ASH1L: variants seen among roughly 807,000 people sequenced by gnomAD.
ASH1L encodes the protein histone-lysine N-methyltransferase ASH1L.
ASH1L carries 23 observed loss-of-function variants against 269.0 expected under a neutral mutation model. That is an observed-to-expected ratio of 0.09 (90% CI 0.06 to 0.12). The LOEUF (loss-of-function observed/expected upper bound fraction) is 0.12. Ranked by LOEUF, ASH1L falls within the 10% of genes least tolerant of loss-of-function variation. The probability of loss-of-function intolerance (pLI) is 1.00; values close to 1 mark genes in which losing one functional copy is unlikely to be tolerated. For synonymous variants in ASH1L, 1,187 were observed against 1,253.5 expected, an observed-to-expected ratio of 0.95 and a Z score of 1.12; for missense variants, 2,912 against 3,567.8, an observed-to-expected ratio of 0.82 and a Z score of 4.68.
At chr1:155,391,693 G>A (rs1002159333) in intron 7 of ASH1L, among the ~76,000 whole-genome samples, 2 of 152,120 alleles carry the variant, frequency 1.3e-5, no homozygotes, top group Admixed American at 6.6e-5. Context: ...AGTGGCTCAT[G>A]CCTGTAATCC....
intron 6 of ASH1L, among the ~76,000 whole-genome samples, chr1:155,404,420 T>C (rs1659099182): frequency 6.6e-6 from 1 of 151,932 alleles, no homozygotes; most frequent in Non-Finnish European, 1.5e-5. Context: ...ACCCCTGTAA[T>C]CCCAACACTT....
chr1:155,474,789 C>T (rs1449654511), intron 3 of ASH1L, among the ~76,000 whole-genome samples: 1 of 152,206 alleles, frequency 6.6e-6, no homozygotes, highest in Non-Finnish European at 1.5e-5. Context: ...CTCCAATCTC[C>T]CATATGTTCA....
intron 6 of ASH1L, among the ~76,000 whole-genome samples, chr1:155,401,605 G>A (rs1311638697): frequency 6.6e-6 from 1 of 151,588 alleles, no homozygotes; most frequent in African/African-American, 2.4e-5. Context: ...TGGCGAACAT[G>A]GTGATATCTT....
chr1:155,345,216 C>T (rs1371216706), intron 21 of ASH1L, among the ~76,000 whole-genome samples: 3 of 140,944 alleles, frequency 2.1e-5, no homozygotes, highest in South Asian at 2.3e-4. Flanking sequence ...AGTCTCACTC[C>T]GTCACCCGGG....
intron 6 of ASH1L, among the ~76,000 whole-genome samples, chr1:155,404,056 CAAAA>C (rs1265354613): frequency 2.9e-5 from 2 of 69,666 alleles, no homozygotes; most frequent in Non-Finnish European, 3.0e-5. Context: ...AACTCCGTCT[CAAAA>C]AAAAAAAAAA....
chr1:155,451,792 G>A (rs543013812), intron 4 of ASH1L, among the ~76,000 whole-genome samples: 2 of 152,222 alleles, frequency 1.3e-5, no homozygotes, highest in East Asian at 3.9e-4. Flanking sequence ...TGTGATCTCA[G>A]CTCACGGCAG....
In ASH1L at chr1:155,433,579, G is replaced by A. The variant is rs184363090; in HGVS notation, c.5828+4748C>T. ...AGAAGGAGAAGCTGGAGCAAAACCC[G>A]CAGGAGTCCCAGAACATCAAAGCTC... On this transcript the variant is annotated intron_variant, in intron 5 of 27. Transcript: ENST00000392403. 6.6e-4 allele frequency: 1,068 copies of A among 1,610,720 alleles called. 3 individuals carry two copies. The highest frequency in any genetic ancestry group is 2.8e-3 in the South Asian group (256 of 90,540).
At chr1:155,484,445 G>A (rs1257181192) in intron 2 of ASH1L, among the ~76,000 whole-genome samples, 2 of 151,520 alleles carry the variant, frequency 1.3e-5, no homozygotes, top group African/African-American at 2.4e-5. Flanking sequence ...CCGAGATTGC[G>A]CCACTGCACT....
At chr1:155,428,874 C>G (rs1316805363) in intron 5 of ASH1L, among the ~76,000 whole-genome samples, 1 of 152,106 alleles carries the variant, frequency 6.6e-6, no homozygotes, top group African/African-American at 2.4e-5. Flanking sequence ...GCGGGTAAAT[C>G]TCTGTTCGGG....
Position 155,422,643 on chromosome 1 carries a change from TTTTC to T in ASH1L, c.5829-6724_5829-6721del, listed in dbSNP as rs562499439. Among the ~76,000 whole-genome samples the T allele has an allele frequency of 4.3e-3, 654 of 150,842 alleles. 2 individuals are homozygous for T. Among genetic ancestry groups the T allele is most frequent in the Middle Eastern group, 0.01 (3 of 294 alleles). Reference sequence around the variant, plus strand: ...TTCTCCTTTTACCTTGATTTTTTCTTTTTCTTTCTGTTTTTTTTTTTTTGAGACT... The same window carrying T: ...TTCTCCTTTTACCTTGATTTTTTCTTTTTCTGTTTTTTTTTTTTTGAGACT... On this transcript the variant is annotated intron_variant, in intron 5 of 27. Coordinates refer to ENST00000392403, the MANE Select transcript of ASH1L (RefSeq NM_018489.3).
intron 19 of ASH1L, among the ~76,000 whole-genome samples, chr1:155,348,698 A>G (rs1178202956): frequency 6.6e-6 from 1 of 152,104 alleles, no homozygotes; most frequent in East Asian, 1.9e-4. Flanking sequence ...CCTGGCCAAC[A>G]TGGTGAAACC....
chr1:155,563,027 T>C, upstream of ASH1L: 1 of 458,608 alleles, frequency 2.2e-6, no homozygotes, highest in South Asian at 1.5e-5. Flanking sequence ...GCTTGCCGTT[T>C]GACTGGAATT....
At chr1:155,355,911 TTC>T (rs1297903174) in intron 15 of ASH1L, among the ~76,000 whole-genome samples, 2 of 151,476 alleles carry the variant, frequency 1.3e-5, no homozygotes, top group African/African-American at 4.9e-5. Flanking sequence ...AAAGCAGGTA[TTC>T]TGTTTTTTTT....
In ASH1L at chr1:155,343,650, C is replaced by G; in HGVS notation, c.8074G>C (p.Asp2692His). Residue 2692 changes from aspartate to histidine, a missense_variant, in exon 23 of 28, where the codon GAT becomes CAT. Physicochemically the swap from Asp to His is moderately conservative, Grantham distance 81. Coordinates refer to ENST00000392403, the MANE Select transcript of ASH1L (RefSeq NM_018489.3). This position sits in a 1 kb window ranked among gnomAD's most constrained non-coding sequence, Gnocchi z 6.1. ...SYRLLSHINR[D>H]KLDIFRIEKL... ...TCAATGCGAAAGATGTCAAGTTTAT[C>G]TCGGTTAATGTGAGATAACAGTCGA... 6.2e-7 allele frequency: 1 copy of G among 1,614,188 alleles called. No individual in the cohort carries two copies. Among genetic ancestry groups the G allele is most frequent in the Non-Finnish European group, 8.5e-7 (1 of 1,180,030 alleles).
At chr1:155,524,329 A>C (rs182054720) in intron 1 of ASH1L, among the ~76,000 whole-genome samples, 2 of 151,424 alleles carry the variant, frequency 1.3e-5, no homozygotes, top group African/African-American at 4.8e-5. Flanking sequence ...AGACCATCCT[A>C]GCTAACTCGG....
intron 3 of ASH1L, among the ~76,000 whole-genome samples, chr1:155,470,931 A>G (rs994673268): frequency 3.3e-5 from 5 of 152,194 alleles, no homozygotes; most frequent in Admixed American, 3.3e-4. Context: ...CAAATACATA[A>G]AATACTCCTA....
At position 155,479,173 on chromosome 1, in the gene ASH1L, T is replaced by C; in HGVS notation, c.3697A>G (p.Ile1233Val). The C allele has an allele frequency of 6.2e-7, 1 of 1,614,160 alleles. No homozygotes were observed. The highest frequency in any genetic ancestry group is 1.1e-5 in the South Asian group (1 of 91,082). ...AGCACTGTAGAGGTTTCAGGGGGAA[T>C]CAGAGAAACATGCTCAAAAGAATGC... ...RRHSFEHVSL[I>V]PPETSTVLSS... The change falls in exon 3 of 28, where the codon ATT becomes GTT. Residue 1233 changes from isoleucine (I) to valine (V), a missense_variant. Ile to Val is a conservative substitution (Grantham distance 29). Coordinates refer to ENST00000392403, the MANE Select transcript of ASH1L (RefSeq NM_018489.3).
chr1:155,507,194 C>T (rs777439670), intron 2 of ASH1L, among the ~76,000 whole-genome samples: 2 of 151,498 alleles, frequency 1.3e-5, no homozygotes, highest in African/African-American at 2.4e-5. Context: ...GCAGGAGAAT[C>T]GCTTGAACCC....
Position 155,562,748 on chromosome 1 carries a change from AGCCGGC to A in ASH1L, c.-701_-696del. The A allele has an allele frequency of 8.3e-7, 1 of 1,199,694 alleles. No individual in the cohort carries two copies. Among genetic ancestry groups the A allele is most frequent in the East Asian group, 2.8e-5 (1 of 35,504 alleles). 74.3% of individuals were successfully genotyped at this position (1,199,694 alleles called of 1,614,324 possible). On this transcript the variant is annotated 5_prime_UTR_variant, in exon 1 of 28. Coordinates refer to ENST00000392403, the MANE Select transcript of ASH1L (RefSeq NM_018489.3). ...CCTCACTACCCCTCAGGCCCTGTCA[AGCCGGC>A]GCCGGCGCAGGCCCTCACGCGTACC...
Sources: gnomAD v4.1 joint callset for allele counts (sites outside exome capture counted in the v4.1 genomes callset) on GRCh38, gnomAD v4.1.1 for gene constraint, Gnocchi (gnomAD v3.1) non-coding constraint, MANE v1.5 for transcripts, NCBI Gene and HGNC (gene_info 2026-07-23, HGNC 2026-07-21) for gene names.